The following DGCR2 variants were observed in gnomAD, a reference collection of about 807,000 sequenced individuals.
DGCR2 encodes integral membrane protein DGCR2/IDD.
Under a neutral mutation model 51.6 loss-of-function variants are expected in DGCR2, and 24 were observed. The observed-to-expected ratio is 0.47, with a 90% CI of 0.34 to 0.65. DGCR2 has a LOEUF of 0.65. Ranked by LOEUF, DGCR2 falls within the 30% of genes least tolerant of loss-of-function variation. The pLI, the probability that DGCR2 is intolerant of heterozygous loss-of-function variation, is 0.01. For missense variants in DGCR2, 765 were observed against 772.1 expected (o/e 0.99, Z 0.11); for synonymous variants, 340 against 315.4 (o/e 1.08, Z -0.82).
At chr22:19,064,504 C>G (rs965394744) in intron 4 of DGCR2, among the ~76,000 whole-genome samples, 16 of 152,206 alleles carry the variant, frequency 1.1e-4, no homozygotes, top group Non-Finnish European at 1.9e-4. Context: ...GCCCACGAAG[C>G]CCCACACCAA....
At chr22:19,065,503 A>C (rs1557845) in intron 3 of DGCR2, among the ~76,000 whole-genome samples, 1 of 151,972 alleles carries the variant, frequency 6.6e-6, no homozygotes, top group African/African-American at 2.4e-5. Context: ...CATTTGCAGT[A>C]GGGGCTGGCC....
chr22:19,065,504 G>C (rs1228643092), intron 3 of DGCR2, among the ~76,000 whole-genome samples: 1 of 152,146 alleles, frequency 6.6e-6, no homozygotes, highest in African/African-American at 2.4e-5. Context: ...ATTTGCAGTA[G>C]GGGCTGGCCA....
chr22:19,060,875 C>A, intron 5 of DGCR2: 1 of 516,284 alleles, frequency 1.9e-6, no homozygotes, highest in Non-Finnish European at 3.9e-6. Context: ...AAACGAGCTC[C>A]CAACTTCAAA....
rs965438393 is a variant in DGCR2, at chr22:19,068,108, C to T, written c.320G>A (p.Arg107His). 2 of 1,584,016 alleles carry T rather than the reference C, an allele frequency of 1.3e-6. No homozygotes were observed. Among genetic ancestry groups the T allele is most frequent in the Admixed American group, 1.8e-5 (1 of 56,190 alleles). ...FHAVNVAQPV[R>H]FSSFLGKCPT... Reference sequence around the variant, plus strand: ...GCAGGTCTGCAACTTACTGCTGAAGCGAACGGGCTGCGCCACGTTCACCGC... The same window carrying T: ...GCAGGTCTGCAACTTACTGCTGAAGTGAACGGGCTGCGCCACGTTCACCGC... The change falls in exon 3 of 10, where the codon CGC becomes CAC. Residue 107 changes from arginine (R) to histidine (H), a missense_variant. Around this residue, in one of 3 missense-constraint regions of DGCR2, gnomAD observed 370 missense variants for 325.5 expected, o/e 1.14. Coordinates refer to ENST00000263196, the MANE Select transcript of DGCR2 (RefSeq NM_005137.3).
Position 19,041,795 on chromosome 22 carries a change from G to C in DGCR2, c.1159+12C>G. 6.2e-7 allele frequency: 1 copy of C among 1,610,306 alleles called. No individual in the cohort carries two copies. Among genetic ancestry groups the C allele is most frequent in the Non-Finnish European group, 8.5e-7 (1 of 1,178,914 alleles). On this transcript the variant is annotated intron_variant, in intron 8 of 9. Coordinates refer to ENST00000263196, the MANE Select transcript of DGCR2 (RefSeq NM_005137.3). ...ATGGGGACCAGGGTTGTGGCCCTCAGAGGGCACTTACAGTTTGCTCCAATC... is the reference window on the plus strand; with the variant it reads ...ATGGGGACCAGGGTTGTGGCCCTCACAGGGCACTTACAGTTTGCTCCAATC...
At chr22:19,103,715 A>T (rs907941780) in intron 1 of DGCR2, among the ~76,000 whole-genome samples, 1 of 133,878 alleles carries the variant, frequency 7.5e-6, no homozygotes, top group African/African-American at 2.8e-5. Context: ...GGCGTGAGCC[A>T]CCGTGCCCGG....
Position 19,036,399 on chromosome 22 carries a change from A to C in DGCR2, c.*2466T>G, listed in dbSNP as rs1314813935. 1 of 152,530 alleles carries C rather than the reference A, an allele frequency of 6.6e-6. No homozygotes were observed. The highest frequency in any genetic ancestry group is 2.4e-5 in the African/African-American group (1 of 41,454). The allele number at this position is 152,530 out of a possible 1,614,324, so 9.4% of individuals were successfully genotyped here. A position where few individuals can be genotyped will look rare whatever the true frequency, so the allele number is the denominator to read the frequency against. On this transcript the variant is annotated 3_prime_UTR_variant, in exon 10 of 10. Coordinates refer to ENST00000263196, the MANE Select transcript of DGCR2 (RefSeq NM_005137.3). ...AAACCCTTAATGAAAACATAAAAAAACAGGCATCAAGACAATGTACAGTAT... is the reference window on the plus strand; with the variant it reads ...AAACCCTTAATGAAAACATAAAAAACCAGGCATCAAGACAATGTACAGTAT...
At chr22:19,089,064 TCA>T (rs750775392) in intron 2 of DGCR2, among the ~76,000 whole-genome samples, 2 of 152,120 alleles carry the variant, frequency 1.3e-5, no homozygotes, top group Non-Finnish European at 2.9e-5. Context: ...GTGCCACCCC[TCA>T]GGAGGGGTTC....
intron 2 of DGCR2, among the ~76,000 whole-genome samples, chr22:19,072,423 G>T (rs912722938): frequency 6.6e-6 from 1 of 152,166 alleles, no homozygotes; most frequent in Admixed American, 6.5e-5. Context: ...GATAGGGAAG[G>T]ACCACCAAAC....
At position 19,063,284 on chromosome 22, in the gene DGCR2, G is replaced by A. The variant is rs1023212232; in HGVS notation, c.549-6C>T. ...ACTGATAGCCAACCCACAACCTGCA[G>A]GGCACAGAGACAGAGACAGAGATCT... On this transcript the variant is annotated splice_polypyrimidine_tract_variant and splice_region_variant and intron_variant, in intron 4 of 9. Transcript: ENST00000263196. The A allele has an allele frequency of 2.9e-5, 46 of 1,613,626 alleles. No homozygotes were observed. Among genetic ancestry groups the A allele is most frequent in the Non-Finnish European group, 3.8e-5 (45 of 1,179,762 alleles).
chr22:19,048,538 G>T lies in DGCR2; in HGVS notation c.908C>A (p.Pro303His). The stretch of plus-strand genomic sequence containing the variant: ...ACAGAGAGCAGCCACACACATCTCA[G>T]GCTCCCCTCCATGGCAGGTGCAGCT... Reference protein sequence around the residue: ...CLSCTCHGGEPEMCVAALCER... With the variant: ...CLSCTCHGGEHEMCVAALCER... The change falls in exon 7 of 10, where the codon CCT becomes CAT. Residue 303 changes from proline (P) to histidine (H), a missense_variant. By Grantham distance (77) the Pro-to-His change is moderately conservative. Around this residue, in one of 3 missense-constraint regions of DGCR2, gnomAD observed 190 missense variants for 265.2 expected, o/e 0.72. Transcript: ENST00000263196. 6.2e-7 allele frequency: 1 copy of T among 1,614,222 alleles called. No individual in the cohort carries two copies.
At chr22:19,050,830 G>A (rs2082540394) in intron 6 of DGCR2, among the ~76,000 whole-genome samples, 1 of 151,976 alleles carries the variant, frequency 6.6e-6, no homozygotes, top group Non-Finnish European at 1.5e-5. Context: ...AAAATTTTAG[G>A]AAAAAAACAC....
intron 2 of DGCR2, among the ~76,000 whole-genome samples, chr22:19,081,129 G>A (rs928908): frequency 1 from 152,325 of 152,328 alleles, 76,161 homozygotes; most frequent in Non-Finnish European, 1. Flanking sequence ...CTTTGGAAAG[G>A]AAAAAAGCTG....
chr22:19,083,939 C>T (rs1207209461), intron 2 of DGCR2, among the ~76,000 whole-genome samples: 1 of 152,208 alleles, frequency 6.6e-6, no homozygotes, highest in African/African-American at 2.4e-5. Flanking sequence ...CCGGGCTAGT[C>T]TCCAGCTCCT....
chr22:19,114,265 T>C lies in DGCR2; in HGVS notation c.79+7863A>G, dbSNP rs536941783. Among the ~76,000 whole-genome samples the C allele has an allele frequency of 1.4e-4, 21 of 152,330 alleles. 1 individual carries two copies. The South Asian group carries it at 2.1e-3, about 15-fold the overall frequency. On this transcript the variant is annotated intron_variant, in intron 1 of 9. Coordinates refer to ENST00000263196, the MANE Select transcript of DGCR2 (RefSeq NM_005137.3). The stretch of plus-strand genomic sequence containing the variant: ...AATTCCATTTATGTAAAATATTCTA[T>C]GTATGAATGTTAGCAAATGTGAAGA...
intron 2 of DGCR2, among the ~76,000 whole-genome samples, chr22:19,080,880 A>G (rs985369633): frequency 4.6e-5 from 7 of 152,162 alleles, no homozygotes; most frequent in African/African-American, 1.7e-4. Flanking sequence ...AGAAAGAGTC[A>G]CCCAGTGATG....
At chr22:19,060,752 C>G (rs1441449281) in intron 5 of DGCR2, 1 of 395,342 alleles carries the variant, frequency 2.5e-6, no homozygotes, top group Non-Finnish European at 5.0e-6. Flanking sequence ...CACATCATGA[C>G]CTGGTGCTGT....
chr22:19,038,739 C>T lies in DGCR2; in HGVS notation c.*126G>A. The T allele has an allele frequency of 7.5e-7, 1 of 1,332,638 alleles. No individual in the cohort carries two copies. Among genetic ancestry groups the T allele is most frequent in the Non-Finnish European group, 1.0e-6 (1 of 967,878 alleles). 82.6% of individuals were successfully genotyped at this position (1,332,638 alleles called of 1,614,324 possible). A position where few individuals can be genotyped will look rare whatever the true frequency, so the allele number is the denominator to read the frequency against. The stretch of plus-strand genomic sequence containing the variant: ...GTGGTCTCTATGTACACACGCGAGC[C>T]CGCCAGTGACGTGCGGCAGTGCGTG... On this transcript the variant is annotated 3_prime_UTR_variant, in exon 10 of 10. Transcript: ENST00000263196.
At chr22:19,062,773 A>ATTCTT in intron 5 of DGCR2, among the ~76,000 whole-genome samples, 1 of 113,294 alleles carries the variant, frequency 8.8e-6, no homozygotes, top group East Asian at 2.7e-4. Context: ...ACACACATGC[A>ATTCTT]TGCTCACTCT....
Sources: allele counts gnomAD v4.1 joint callset (sites outside exome capture counted in the v4.1 genomes callset), GRCh38; gene constraint gnomAD v4.1.1; regional missense constraint gnomAD v4.1.1; transcripts MANE v1.5; gene names NCBI Gene and HGNC (gene_info 2026-07-23, HGNC 2026-07-21).